The following RGS3 variants were observed in gnomAD, a reference collection of about 807,000 sequenced individuals.
The protein encoded by RGS3 is regulator of G-protein signalling 3.
Under a neutral mutation model 132.6 loss-of-function variants are expected in RGS3, and 80 were observed. That is an observed-to-expected ratio of 0.60 (90% CI 0.50 to 0.73). RGS3 has a LOEUF of 0.73. Among genes scored for constraint, RGS3 ranks in the 30% least tolerant of loss-of-function variants. The pLI, the probability that RGS3 is intolerant of heterozygous loss-of-function variation, is 0.00. For missense variants in RGS3, 1,382 were observed against 1,530.8 expected (o/e 0.90, Z 1.62); for synonymous variants, 598 against 620.6 (o/e 0.96, Z 0.54).
intron 24 of RGS3, 58 bp from the exon 23 acceptor site, chr9:113,596,710 G>A: frequency 2.0e-6 from 3 of 1,481,664 alleles, no homozygotes; most frequent in Non-Finnish European, 2.7e-6. Context: ...CAGGCACATG[G>A]GCCCTAGGGT....
Position 113,579,513 on chromosome 9 carries a change from C to G in RGS3, c.2038-3937C>G, listed in dbSNP as rs983501557. Reference sequence around the variant, plus strand: ...AAGTGATGGATGGGAAAGACACAGACCCCCACCTTGGGAGGGTGGGGCAGT... The same window carrying G: ...AAGTGATGGATGGGAAAGACACAGAGCCCCACCTTGGGAGGGTGGGGCAGT... On this transcript the variant is annotated intron_variant, in intron 19 of 24. Transcript: ENST00000350696. The surrounding 1 kb of genome is among the most constrained non-coding windows in gnomAD (Gnocchi z 4.3). 1.3e-5 allele frequency among the ~76,000 whole-genome samples: 2 copies of G among 152,162 alleles called. No homozygotes were observed. The highest frequency in any genetic ancestry group is 2.9e-5 in the Non-Finnish European group (2 of 68,022).
chr9:113,557,511 G>C (rs1833616840), intron 19 of RGS3, among the ~76,000 whole-genome samples: 1 of 152,216 alleles, frequency 6.6e-6, no homozygotes, highest in Non-Finnish European at 1.5e-5. Context: ...GTGGGAGATG[G>C]GTTGGTTCCT....
At chr9:113,511,789 A>G (rs1163478984) in intron 14 of RGS3, among the ~76,000 whole-genome samples, 1 of 151,800 alleles carries the variant, frequency 6.6e-6, no homozygotes, top group Non-Finnish European at 1.5e-5. Flanking sequence ...CTTTTGGTCT[A>G]TTTTGTTCCA....
intron 19 of RGS3, among the ~76,000 whole-genome samples, chr9:113,546,708 CA>C (rs1425528556): frequency 3.9e-5 from 6 of 152,146 alleles, no homozygotes; most frequent in Non-Finnish European, 8.8e-5. Flanking sequence ...AAGGTCTGAC[CA>C]GGTTCACTTC....
intron 1 of RGS3, among the ~76,000 whole-genome samples, chr9:113,445,704 ACT>A (rs1829085543): frequency 6.7e-6 from 1 of 150,228 alleles, no homozygotes. Context: ...TTTGAGACAG[ACT>A]CTCCCCCTGT....
chr9:113,477,446 C>A (rs1168788776), intron 3 of RGS3, among the ~76,000 whole-genome samples: 1 of 152,188 alleles, frequency 6.6e-6, no homozygotes. Flanking sequence ...CAAGTGATGT[C>A]TGGGTCACAG....
At chr9:113,512,466 A>G (rs776848537) in intron 14 of RGS3, among the ~76,000 whole-genome samples, 2 of 151,994 alleles carry the variant, frequency 1.3e-5, no homozygotes, top group Non-Finnish European at 2.9e-5. Context: ...AGATTTGTCT[A>G]TGATCAGTGG....
At chr9:113,576,192 T>C (rs1834514678) in intron 19 of RGS3, among the ~76,000 whole-genome samples, 1 of 151,604 alleles carries the variant, frequency 6.6e-6, no homozygotes, top group Non-Finnish European at 1.5e-5. Flanking sequence ...AGAGCGAGAC[T>C]CCATCTCAAA....
chr9:113,510,569 A>G (rs921091409), intron 14 of RGS3, among the ~76,000 whole-genome samples: 1 of 152,316 alleles, frequency 6.6e-6, no homozygotes, highest in East Asian at 1.9e-4. Flanking sequence ...GAGTGGGCCC[A>G]TGCACACAGG....
chr9:113,458,978 T>G (rs1829414970), upstream of RGS3, among the ~76,000 whole-genome samples: 1 of 152,262 alleles, frequency 6.6e-6, no homozygotes. Context: ...CTTGAACTCC[T>G]GACCTCAGGT....
chr9:113,467,124 T>C (rs1334932152), intron 3 of RGS3, among the ~76,000 whole-genome samples: 2 of 152,266 alleles, frequency 1.3e-5, no homozygotes, highest in African/African-American at 4.8e-5. Context: ...CATCTGGTGA[T>C]GAATATTTTG....
At chr9:113,495,812 G>A (rs1460475170) in exon 8 of RGS3, 1 of 1,614,078 alleles carries the variant, frequency 6.2e-7, no homozygotes, top group Non-Finnish European at 8.5e-7. Flanking sequence ...GGCTGCATGA[G>A]CTTTGGGGTG....
chr9:113,536,909 G>A (rs368937474), exon 19 of RGS3: 35 of 1,613,984 alleles, frequency 2.2e-5, no homozygotes, highest in Middle Eastern at 3.3e-4. Flanking sequence ...CATCACCCCC[G>A]GACAGCAAGG....
At chr9:113,559,160 A>G (rs924013282) in intron 19 of RGS3, among the ~76,000 whole-genome samples, 4 of 152,262 alleles carry the variant, frequency 2.6e-5, no homozygotes, top group African/African-American at 4.8e-5. Flanking sequence ...CCAAGGTCAC[A>G]GGCCTGGCCT....
chr9:113,460,196 T>C (rs1829443115), upstream of RGS3: 3 of 1,217,580 alleles, frequency 2.5e-6, no homozygotes, highest in Admixed American at 9.8e-5. Flanking sequence ...TTTTTGAGGA[T>C]AAATTTCACC....
At position 113,490,558 on chromosome 9, in the gene RGS3, A is replaced by T. The variant is rs151030100; in HGVS notation, c.689+4865A>T. On this transcript the variant is annotated intron_variant, in intron 7 of 24. Transcript: ENST00000350696. ...TATTAATCAGAACTTGTGGCCAGGGAACAGACTTGGAGAGAATTATAATGT... is the reference window on the plus strand; with the variant it reads ...TATTAATCAGAACTTGTGGCCAGGGTACAGACTTGGAGAGAATTATAATGT... 9.7e-5 allele frequency among the ~76,000 whole-genome samples: 14 copies of T among 144,888 alleles called. No individual in the cohort carries two copies. The East Asian group carries it at 2.7e-3, about 28-fold the overall frequency.
At position 113,596,109 on chromosome 9, in the gene RGS3, C is replaced by T. The variant is rs1457559473; in HGVS notation, c.3411+344C>T. ...CAGCACTTTGGGAAGCCGAGCCAGG[C>T]GGATCACTTGAGGTCAGGAGTTCGA... On this transcript the variant is annotated intron_variant, in intron 24 of 24. Transcript: ENST00000350696. Among the ~76,000 whole-genome samples the T allele has an allele frequency of 5.3e-5, 8 of 152,322 alleles. No individual in the cohort carries two copies. In the East Asian group the frequency reaches 5.8e-4, roughly 11 times the overall value.
chr9:113,495,713 C>A, intron 7 of RGS3, 73 bp from the exon 6 acceptor site: 1 of 1,224,888 alleles, frequency 8.2e-7, no homozygotes. Flanking sequence ...CAAACCCATG[C>A]TATACTTGAT....
intron 1 of RGS3, among the ~76,000 whole-genome samples, chr9:113,461,242 G>T (rs1829464637): frequency 6.6e-6 from 1 of 152,098 alleles, no homozygotes; most frequent in Non-Finnish European, 1.5e-5. Flanking sequence ...TGTGTGAGGT[G>T]GAAGAACCCC....
Sources: allele counts gnomAD v4.1 joint callset (sites outside exome capture counted in the v4.1 genomes callset), GRCh38; gene constraint gnomAD v4.1.1; non-coding constraint Gnocchi (gnomAD v3.1); transcripts MANE v1.5; gene names NCBI Gene and HGNC (gene_info 2026-07-23, HGNC 2026-07-21).